POMT1: variants seen among roughly 807,000 people sequenced by gnomAD.
POMT1 encodes the protein protein O-mannosyl-transferase 1.
In POMT1, 85 loss-of-function variants were observed where a neutral mutation model predicts 101.6. That is an observed-to-expected ratio of 0.84 (90% confidence interval 0.70 to 1.00). POMT1 has a LOEUF of 1.00. POMT1 is among the 50% of genes least tolerant of loss of function. The pLI is 0.00. For synonymous variants in POMT1, 371 were observed against 383.0 expected (o/e 0.97, Z 0.37); for missense variants, 857 against 930.4 (o/e 0.92, Z 1.03).
At chr9:131,518,305 C>CCTT in intron 13 of POMT1, 140 bp from the exon 14 acceptor site, 1 of 834,212 alleles carries the variant, frequency 1.2e-6, no homozygotes, top group Non-Finnish European at 2.1e-6. Flanking sequence ...AGTACCAGCC[C>CCTT]CTTATAGCTT....
chr9:131,515,558 C>G, intron 13 of POMT1, 36 bp downstream of exon 13: 1 of 1,578,140 alleles, frequency 6.3e-7, no homozygotes, highest in African/African-American at 1.3e-5. Flanking sequence ...CCACAACCGT[C>G]AGTAATGAAC....
intron 11 of POMT1, 74 bp downstream of exon 11, chr9:131,512,210 C>G: frequency 6.4e-7 from 1 of 1,571,170 alleles, no homozygotes; most frequent in Non-Finnish European, 8.6e-7. Flanking sequence ...GGGATGCAGT[C>G]CTGGGCCCCC....
At chr9:131,511,878 T>C in intron 10 of POMT1, 163 bp from the exon 11 acceptor site, 1 of 721,592 alleles carries the variant, frequency 1.4e-6, no homozygotes, top group Non-Finnish European at 2.4e-6. Context: ...CCCTTTCTTT[T>C]CTTTTTCTCA....
chr9:131,509,834 C>T (rs1321485499), intron 7 of POMT1, 26 bp downstream of exon 7: 1 of 1,614,236 alleles, frequency 6.2e-7, no homozygotes, highest in Admixed American at 1.7e-5. Context: ...TGGTCTTGGG[C>T]AGTGTCCTCC....
chr9:131,521,502 CTTT>C, intron 18 of POMT1, 30 bp downstream of exon 18: 1 of 1,609,234 alleles, frequency 6.2e-7, no homozygotes, highest in Non-Finnish European at 8.5e-7. Flanking sequence ...GGCTTTCTTT[CTTT>C]TTAATATAGA....
intron 14 of POMT1, 112 bp downstream of exon 14, chr9:131,518,649 T>C (rs1949253507): frequency 7.2e-7 from 1 of 1,392,394 alleles, no homozygotes; most frequent in African/African-American, 1.4e-5. Context: ...ATTTGAGTCA[T>C]CATGGCTTCC....
rs1223980850 is a variant in POMT1 at position 131,515,589 on chromosome 9, TCCTCACCCGGAGCACTC to T, written c.1272+71_1272+87del. The T allele has an allele frequency of 1.3e-5, 19 of 1,465,600 alleles. No homozygotes were observed. The African/African-American group carries it at 2.4e-4, about 18-fold the overall frequency. 90.8% of individuals were successfully genotyped at this position (1,465,600 alleles called of 1,614,324 possible). On this transcript the variant is annotated intron_variant, in intron 13 of 19. Transcript: ENST00000402686. ...TGAACACTCCCTCACACGGAGCACT[TCCTCACCCGGAGCACTC>T]CCTAACACAGAGCACTTCCTAACAG... is the stretch of plus-strand genomic sequence containing the variant.
rs1947564748 is a variant in POMT1 at position 131,513,395 on chromosome 9, C to T, written c.1175+64C>T. On this transcript the variant is annotated intron_variant, in intron 12 of 19. Transcript: ENST00000402686. Reference sequence around the variant, plus strand: ...TTTCCTCTGTGGTTCTCTGTTCAGACCAAAACGTGAGCCCTGCCTTGGGCC... The same window carrying T: ...TTTCCTCTGTGGTTCTCTGTTCAGATCAAAACGTGAGCCCTGCCTTGGGCC... 5.5e-6 allele frequency: 8 copies of T among 1,462,666 alleles called. No homozygotes were observed. The South Asian group carries it at 7.1e-5, about 13-fold the overall frequency. The allele number at this position is 1,462,666 out of a possible 1,614,324, so 90.6% of individuals were successfully genotyped here.
chr9:131,510,796 G>A (rs968668911), intron 9 of POMT1: 17 of 343,790 alleles, frequency 4.9e-5, no homozygotes, highest in Non-Finnish European at 8.4e-5. Flanking sequence ...GTGAGCCACC[G>A]CGCCTGGCAG....
At chr9:131,512,490 C>T (rs781563642) in intron 11 of POMT1, among the ~76,000 whole-genome samples, 50 of 152,208 alleles carry the variant, frequency 3.3e-4, no homozygotes, top group Non-Finnish European at 5.7e-4. Context: ...CATATCCAGT[C>T]CTGTGGATTC....
chr9:131,503,083 G>C lies in POMT1; in HGVS notation c.-31+10G>C, dbSNP rs1249853427. The C allele has an allele frequency of 6.6e-6, 1 of 151,928 alleles. No individual in the cohort carries two copies. Among genetic ancestry groups the C allele is most frequent in the African/African-American group, 2.4e-5 (1 of 41,330 alleles). 9.4% of individuals were successfully genotyped at this position (151,928 alleles called of 1,614,324 possible). A position where few individuals can be genotyped will look rare whatever the true frequency, so the allele number is the denominator to read the frequency against. ...ACTCGGAGAAACGCGGGTACATTTG[G>C]GGACACCGGGGACGAGAGCCCAGCC... On this transcript the variant is annotated intron_variant, in intron 1 of 19. Transcript: ENST00000402686. This position sits in a 1 kb window ranked among gnomAD's most constrained non-coding sequence, Gnocchi z 4.4.
At chr9:131,514,094 T>C (rs565812305) in intron 12 of POMT1, among the ~76,000 whole-genome samples, 7 of 152,336 alleles carry the variant, frequency 4.6e-5, no homozygotes, top group African/African-American at 1.7e-4. Flanking sequence ...CATTGCATGT[T>C]GATTCCATTG....
intron 2 of POMT1, among the ~76,000 whole-genome samples, chr9:131,505,462 C>T (rs928779574): frequency 6.6e-6 from 1 of 151,896 alleles, no homozygotes; most frequent in Non-Finnish European, 1.5e-5. Context: ...GGGGTTTCAC[C>T]ATGTTGGCCA....
chr9:131,506,538 CTT>C, intron 4 of POMT1, 85 bp downstream of exon 4: 1 of 1,312,926 alleles, frequency 7.6e-7, no homozygotes, highest in Non-Finnish European at 1.1e-6. Context: ...ACAACTGTGG[CTT>C]TTTTTTTCCT....
At chr9:131,505,426 C>T (rs1945580732) in intron 2 of POMT1, among the ~76,000 whole-genome samples, 3 of 151,722 alleles carry the variant, frequency 2.0e-5, no homozygotes. Context: ...CCACGCCTGG[C>T]TCATTTTTGT....
rs958131835 is a variant in POMT1 at position 131,503,368 on chromosome 9, G to C, written c.-31+295G>C. The C allele has an allele frequency of 6.5e-6, 1 of 154,930 alleles. No individual in the cohort carries two copies. Among genetic ancestry groups the C allele is most frequent in the African/African-American group, 2.4e-5 (1 of 41,520 alleles). 9.6% of individuals were successfully genotyped at this position (154,930 alleles called of 1,614,324 possible). The stretch of plus-strand genomic sequence containing the variant: ...TCGGGAGTTGGTGGACGGGACAGGT[G>C]CGGCCTGTGGGGAAGAAGGGCCGGC... On this transcript the variant is annotated intron_variant, in intron 1 of 19. Transcript: ENST00000402686. The surrounding 1 kb of genome is among the most constrained non-coding windows in gnomAD (Gnocchi z 4.4).
chr9:131,503,501 C>T lies in POMT1; in HGVS notation c.-31+428C>T, dbSNP rs899916698. On this transcript the variant is annotated intron_variant, in intron 1 of 19. Coordinates refer to ENST00000402686, the MANE Select transcript of POMT1 (RefSeq NM_001077365.2). This position sits in a 1 kb window ranked among gnomAD's most constrained non-coding sequence, Gnocchi z 4.4. ...GCAGCTCAGGGAGGGAAGGGCGCGTCCAGGGTAGATGGGGCCTGAGGAGAC... is the reference window on the plus strand; with the variant it reads ...GCAGCTCAGGGAGGGAAGGGCGCGTTCAGGGTAGATGGGGCCTGAGGAGAC... Among the ~76,000 whole-genome samples, 11 of 152,134 alleles carry T rather than the reference C, an allele frequency of 7.2e-5. No homozygotes were observed. The highest frequency in any genetic ancestry group is 1.9e-4 in the East Asian group (1 of 5,182).
Position 131,513,329 on chromosome 9 carries a change from C to T in POMT1, c.1173C>T (p.Asn391=). 2 of 1,611,380 alleles carry T rather than the reference C, an allele frequency of 1.2e-6. No homozygotes were observed. The highest frequency in any genetic ancestry group is 1.7e-6 in the Non-Finnish European group (2 of 1,179,692). ...ACGGCATGACCACCCGCTCCCTGAA[C>T]ACGTGAGTGTGCCCGCCGTCTGCTC... ...LVHGMTTRSL[N]THDVAAPLSP... is the part of the protein sequence containing the mutation. The change falls in exon 12 of 20, where the codon AAC becomes AAT. Residue 391 remains asparagine, a splice_region_variant and synonymous_variant. Coordinates refer to ENST00000402686, the MANE Select transcript of POMT1 (RefSeq NM_001077365.2).
chr9:131,517,620 TCGC>T (rs1401244205), intron 13 of POMT1, among the ~76,000 whole-genome samples: 2 of 152,104 alleles, frequency 1.3e-5, no homozygotes, highest in African/African-American at 4.8e-5. Flanking sequence ...TCTGCCCCAC[TCGC>T]CGTCTCTGTG....
Sources: allele counts gnomAD v4.1 joint callset (sites outside exome capture counted in the v4.1 genomes callset), GRCh38; gene constraint gnomAD v4.1.1; non-coding constraint Gnocchi (gnomAD v3.1); transcripts MANE v1.5; gene names NCBI Gene and HGNC (gene_info 2026-07-23, HGNC 2026-07-21).